The following AOPEP variants were observed in gnomAD, a reference collection of about 807,000 sequenced individuals.
AOPEP encodes aminopeptidase O.
A neutral mutation model predicts 98.1 loss-of-function variants in AOPEP; 77 were observed. That is an observed-to-expected ratio of 0.78 (90% CI 0.65 to 0.95). AOPEP has a LOEUF of 0.95. AOPEP is among the 40% of genes least tolerant of loss of function. The probability of loss-of-function intolerance (pLI) is 0.00; values close to 1 mark genes in which losing one functional copy is unlikely to be tolerated. For synonymous variants in AOPEP, 346 were observed against 365.3 expected (o/e 0.95, Z 0.60); for missense variants, 1,024 against 1,024.7 (o/e 1.00, Z 0.01).
At chr9:95,118,811 T>A in the AOPEP span, among the ~76,000 whole-genome samples, 4 of 152,208 alleles carry the variant, frequency 2.6e-5, no homozygotes, top group Admixed American at 2.6e-4. Flanking sequence ...GTTTAGCCAT[T>A]CTCCTCTTGA....
At chr9:94,734,655 C>T (rs564650226) in intron 1 of AOPEP, among the ~76,000 whole-genome samples, 3 of 152,290 alleles carry the variant, frequency 2.0e-5, no homozygotes, top group Non-Finnish European at 4.4e-5. Flanking sequence ...AAAGTTTGGT[C>T]TCTGGACCAG....
intron 5 of AOPEP, among the ~76,000 whole-genome samples, chr9:94,805,504 A>T (rs1385816538): frequency 1.3e-5 from 2 of 151,594 alleles, no homozygotes; most frequent in East Asian, 1.9e-4. Flanking sequence ...TTTTTTTTTA[A>T]AAAAAGCAAC....
intron 7 of AOPEP, chr9:94,933,027 A>G: frequency 2.0e-6 from 2 of 985,424 alleles, no homozygotes; most frequent in Non-Finnish European, 2.4e-6. Flanking sequence ...TTTCCCACAG[A>G]TAAGACCCCA....
chr9:94,948,812 C>G (rs2057881443), intron 7 of AOPEP, among the ~76,000 whole-genome samples: 1 of 152,240 alleles, frequency 6.6e-6, no homozygotes, highest in African/African-American at 2.4e-5. Flanking sequence ...TCTGTTCTTT[C>G]TGCCACCTCT....
chr9:94,868,490 G>A (rs1172642273), intron 5 of AOPEP, among the ~76,000 whole-genome samples: 1 of 152,192 alleles, frequency 6.6e-6, no homozygotes, highest in African/African-American at 2.4e-5. Flanking sequence ...CATTTTGACT[G>A]CTAGTATGGA....
chr9:95,075,756 A>G (rs1486144085), intron 14 of AOPEP, among the ~76,000 whole-genome samples: 1 of 152,194 alleles, frequency 6.6e-6, no homozygotes, highest in Admixed American at 6.5e-5. Flanking sequence ...GTGTGGTGGT[A>G]CATTCCTGTA....
At chr9:95,012,294 T>G (rs557280655) in intron 13 of AOPEP, among the ~76,000 whole-genome samples, 4 of 152,308 alleles carry the variant, frequency 2.6e-5, no homozygotes, top group Admixed American at 2.0e-4. Context: ...TTGAAAACAT[T>G]TGGAAGTGTG....
At chr9:95,103,710 GAA>G in the AOPEP span, among the ~76,000 whole-genome samples, 1 of 152,368 alleles carries the variant, frequency 6.6e-6, no homozygotes, top group East Asian at 1.9e-4. Flanking sequence ...CGAGGTCAGA[GAA>G]GAGGATTCCG....
intron 5 of AOPEP, among the ~76,000 whole-genome samples, chr9:94,901,277 A>G (rs1472404452): frequency 1.3e-5 from 2 of 152,182 alleles, no homozygotes; most frequent in Non-Finnish European, 2.9e-5. Flanking sequence ...GTTTGCTCAA[A>G]TAAGAATCGA....
intron 13 of AOPEP, among the ~76,000 whole-genome samples, chr9:95,028,895 G>A (rs777862757): frequency 3.3e-5 from 5 of 152,194 alleles, no homozygotes; most frequent in East Asian, 1.9e-4. Context: ...TTTGTGTTAG[G>A]TTATCCAAGA....
chr9:95,139,046 G>A, the AOPEP span, among the ~76,000 whole-genome samples: 7 of 152,146 alleles, frequency 4.6e-5, no homozygotes, highest in African/African-American at 1.4e-4. Flanking sequence ...TGAAGGAATC[G>A]CCGAAGCAGT....
chr9:94,758,009 T>A (rs75119839), intron 1 of AOPEP, among the ~76,000 whole-genome samples: 2,270 of 152,342 alleles, frequency 0.015, 56 homozygotes, highest in African/African-American at 0.052. Context: ...CTCCATAAAG[T>A]AAATTCAAAC....
chr9:95,136,969 T>C, the AOPEP span, among the ~76,000 whole-genome samples: 1 of 152,208 alleles, frequency 6.6e-6, no homozygotes, highest in Admixed American at 6.5e-5. Context: ...ACCTGCCCTT[T>C]ACCTGCACAT....
rs539666747 is a variant in AOPEP at position 94,875,962 on chromosome 9, C to T, written c.1365-48024C>T. Among the ~76,000 whole-genome samples the T allele has an allele frequency of 3.9e-5, 6 of 152,256 alleles. No individual in the cohort carries two copies. In the East Asian group the frequency reaches 1.2e-3, roughly 29 times the overall value. ...AAAACATTTAAGACGTGAGAAGACACAAGGCACCAGAGTTACTATTATGAT... is the reference window on the plus strand; with the variant it reads ...AAAACATTTAAGACGTGAGAAGACATAAGGCACCAGAGTTACTATTATGAT... On this transcript the variant is annotated intron_variant, in intron 5 of 16. Coordinates refer to ENST00000375315, the MANE Select transcript of AOPEP (RefSeq NM_001193329.3).
intron 3 of AOPEP, among the ~76,000 whole-genome samples, chr9:94,775,485 G>A (rs1262644716): frequency 1.3e-5 from 2 of 151,796 alleles, no homozygotes; most frequent in African/African-American, 4.8e-5. Flanking sequence ...TTCTGTCTCG[G>A]CCTCCCCAGT....
At chr9:94,986,569 T>G (rs2060532055) in intron 11 of AOPEP, among the ~76,000 whole-genome samples, 1 of 152,232 alleles carries the variant, frequency 6.6e-6, no homozygotes, top group African/African-American at 2.4e-5. Context: ...TGGTCCCAAA[T>G]GATGTTAGTA....
At chr9:95,107,052 A>G in the AOPEP span, 1 of 1,613,896 alleles carries the variant, frequency 6.2e-7, no homozygotes, top group Admixed American at 1.7e-5. Flanking sequence ...ATGCTGGACC[A>G]CAGGGAGACT....
intron 5 of AOPEP, among the ~76,000 whole-genome samples, chr9:94,912,797 G>A (rs1480597118): frequency 3.9e-5 from 6 of 152,212 alleles, no homozygotes; most frequent in Non-Finnish European, 5.9e-5. Flanking sequence ...TGGTCAACCC[G>A]TGAGCATGAG....
At chr9:95,096,322 C>T in the AOPEP span, among the ~76,000 whole-genome samples, 6 of 152,136 alleles carry the variant, frequency 3.9e-5, no homozygotes, top group Non-Finnish European at 5.9e-5. Context: ...CCTGGCTCCC[C>T]GACGGGCTGG....
Sources: allele counts gnomAD v4.1 joint callset (sites outside exome capture counted in the v4.1 genomes callset), GRCh38; gene constraint gnomAD v4.1.1; transcripts MANE v1.5; gene names NCBI Gene and HGNC (gene_info 2026-07-23, HGNC 2026-07-21).